The following CHD1L variants were observed in gnomAD, a reference collection of about 807,000 sequenced individuals.
CHD1L encodes the protein chromodomain helicase DNA binding protein 1 like.
Under a neutral mutation model 115.9 loss-of-function variants are expected in CHD1L, and 118 were observed. The ratio of observed to expected loss-of-function variants is 1.02; its 90% confidence interval spans 0.88 to 1.19. The LOEUF is 1.19. Among genes scored for constraint, CHD1L ranks in the 50% most tolerant of loss-of-function variants. CHD1L has a pLI of 0.00. For synonymous variants in CHD1L, 411 were observed against 387.1 expected, an observed-to-expected ratio of 1.06 and a Z score of -0.72; for missense variants, 1,179 against 1,065.3, an observed-to-expected ratio of 1.11 and a Z score of -1.49.
At chr1:147,278,581 G>T (rs985688315) in intron 14 of CHD1L, among the ~76,000 whole-genome samples, 2 of 150,972 alleles carry the variant, frequency 1.3e-5, no homozygotes, top group Non-Finnish European at 2.9e-5. Context: ...TTCTGATTTG[G>T]TAAATCTAAG....
the CHD1L span, among the ~76,000 whole-genome samples, chr1:147,188,331 C>G: frequency 6.6e-6 from 1 of 151,886 alleles, no homozygotes; most frequent in African/African-American, 2.4e-5. Context: ...CGAGATCAGC[C>G]TGGGCAACAT....
chr1:147,282,897 G>A (rs782372189), intron 15 of CHD1L, among the ~76,000 whole-genome samples: 21 of 152,094 alleles, frequency 1.4e-4, no homozygotes, highest in Non-Finnish European at 2.5e-4. Flanking sequence ...TTTTCTCTTC[G>A]ATGAATGGAT....
At chr1:147,284,817 A>G (rs1425149103) in intron 16 of CHD1L, among the ~76,000 whole-genome samples, 3 of 152,208 alleles carry the variant, frequency 2.0e-5, no homozygotes, top group African/African-American at 7.2e-5. Context: ...TGATGACCCT[A>G]TGACAAGAAG....
At chr1:147,214,093 T>C in the CHD1L span, among the ~76,000 whole-genome samples, 1 of 152,158 alleles carries the variant, frequency 6.6e-6, no homozygotes, top group Non-Finnish European at 1.5e-5. Flanking sequence ...GTTACCCTAC[T>C]TAGGTTAAGG....
the CHD1L span, among the ~76,000 whole-genome samples, chr1:147,221,499 G>A: frequency 6.6e-6 from 1 of 152,142 alleles, no homozygotes; most frequent in African/African-American, 2.4e-5. Context: ...TTAATGAATG[G>A]CAAGGTCATT....
At chr1:147,290,197 C>T (rs1265566966) in intron 19 of CHD1L, among the ~76,000 whole-genome samples, 1 of 152,128 alleles carries the variant, frequency 6.6e-6, no homozygotes, top group Non-Finnish European at 1.5e-5. Context: ...ATCCTCCTGC[C>T]TCAGCCTCCC....
rs587622328 is a variant in CHD1L, at chr1:147,275,351, C to G, written c.1271-3C>G. On this transcript the variant is annotated splice_polypyrimidine_tract_variant and splice_region_variant and intron_variant, in intron 12 of 22. Coordinates refer to ENST00000369258, the MANE Select transcript of CHD1L (RefSeq NM_004284.6). The stretch of plus-strand genomic sequence containing the variant: ...ATTACATTCCTTTTTGCATTGTTTT[C>G]AGGTGGAGTTGGCATGAACTTAACA... 1.6e-5 allele frequency: 25 copies of G among 1,608,256 alleles called. No homozygotes were observed. The highest frequency in any genetic ancestry group is 1.7e-4 in the Middle Eastern group (1 of 6,042).
At chr1:147,186,163 A>T in the CHD1L span, 2 of 204,088 alleles carry the variant, frequency 9.8e-6, no homozygotes, top group East Asian at 1.8e-4. Context: ...AAAGAGATTT[A>T]AAAAGGTAGG....
At chr1:147,225,206 A>T in the CHD1L span, 5 of 1,434,638 alleles carry the variant, frequency 3.5e-6, no homozygotes, top group Middle Eastern at 1.9e-4. Flanking sequence ...TCACCAGAGG[A>T]AATCTTTCTG....
the CHD1L span, among the ~76,000 whole-genome samples, chr1:147,199,049 C>T: frequency 1.6e-4 from 25 of 151,906 alleles, no homozygotes; most frequent in East Asian, 1.9e-3. Context: ...CTGCAAAAGA[C>T]GCAATCAAAA....
chr1:147,278,243 T>TTTTTTG (rs1284406926), intron 14 of CHD1L, among the ~76,000 whole-genome samples: 2 of 146,178 alleles, frequency 1.4e-5, no homozygotes, highest in Non-Finnish European at 3.0e-5. Flanking sequence ...TTTTTTTTTT[T>TTTTTTG]GAGACAGAGT....
At chr1:147,287,811 A>G (rs907035063) in intron 19 of CHD1L, 78 bp downstream of exon 19, 1 of 1,158,070 alleles carries the variant, frequency 8.6e-7, no homozygotes, top group African/African-American at 1.5e-5. Context: ...CGTGAGGGTT[A>G]CACAGCACTA....
Position 147,284,401 on chromosome 1 carries a change from A to G in CHD1L, c.1756A>G (p.Lys586Glu), listed in dbSNP as rs781879102. Residue 586 changes from lysine to glutamate, a missense_variant, in exon 16 of 23, where the codon AAG (lysine) becomes GAG (glutamate). Physicochemically the swap from Lys to Glu is moderately conservative, Grantham distance 56. Coordinates refer to ENST00000369258, the MANE Select transcript of CHD1L (RefSeq NM_004284.6). Reference sequence around the variant, plus strand: ...TAAAGATTATTCTAAAGAGCCCAGTAAGGAAGACAGAAAATCATTTGAACA... The same window carrying G: ...TAAAGATTATTCTAAAGAGCCCAGTGAGGAAGACAGAAAATCATTTGAACA... ...EGKDYSKEPS[K>E]EDRKSFEQLV... is the part of the protein sequence containing the mutation. The G allele has an allele frequency of 8.1e-6, 13 of 1,608,678 alleles. No homozygotes were observed. The Middle Eastern group carries it at 1.2e-3, about 143-fold the overall frequency.
chr1:147,221,948 G>C, the CHD1L span, among the ~76,000 whole-genome samples: 4 of 152,338 alleles, frequency 2.6e-5, no homozygotes, highest in African/African-American at 9.6e-5. Flanking sequence ...AGAAGAAAAA[G>C]AAGCTTCTGC....
At chr1:147,251,318 C>T (rs1371499028) in intron 1 of CHD1L, among the ~76,000 whole-genome samples, 1 of 152,170 alleles carries the variant, frequency 6.6e-6, no homozygotes, top group Admixed American at 6.5e-5. Context: ...CCTAGCCAGT[C>T]TGCTTCTTCA....
chr1:147,175,677 A>G, the CHD1L span: 1 of 152,186 alleles, frequency 6.6e-6, no homozygotes, highest in Admixed American at 6.5e-5. Context: ...TAAGTAAATT[A>G]AACCTCTTTT....
At chr1:147,256,866 G>C (rs1670332897) in intron 5 of CHD1L, among the ~76,000 whole-genome samples, 1 of 152,168 alleles carries the variant, frequency 6.6e-6, no homozygotes, top group African/African-American at 2.4e-5. Context: ...ACTTTGTATG[G>C]TTAATAGATA....
the CHD1L span, among the ~76,000 whole-genome samples, chr1:147,201,706 A>C: frequency 6.6e-6 from 1 of 152,184 alleles, no homozygotes; most frequent in Non-Finnish European, 1.5e-5. Flanking sequence ...GGATGCACTG[A>C]AAGGGAGAGT....
At chr1:147,200,664 G>A in the CHD1L span, among the ~76,000 whole-genome samples, 9 of 151,914 alleles carry the variant, frequency 5.9e-5, no homozygotes, top group Non-Finnish European at 2.9e-5. Flanking sequence ...GAATTTGGGG[G>A]ATTGAATATC....
Sources: gnomAD v4.1 joint callset for allele counts (sites outside exome capture counted in the v4.1 genomes callset) on GRCh38, gnomAD v4.1.1 for gene constraint, MANE v1.5 for transcripts, NCBI Gene and HGNC (gene_info 2026-07-23, HGNC 2026-07-21) for gene names.